DACH1: variants seen among roughly 807,000 people sequenced by gnomAD.
DACH1 encodes the protein dachshund family transcription factor 1, also known as dachshund homolog 1.
In DACH1, 12 loss-of-function variants were observed where a neutral mutation model predicts 54.2. The observed-to-expected ratio is 0.22, with a 90% CI of 0.14 to 0.36. DACH1 has a LOEUF of 0.36. Among genes scored for constraint, DACH1 ranks in the 10% least tolerant of loss-of-function variants. The pLI, the probability that DACH1 is intolerant of heterozygous loss-of-function variation, is 1.00. For synonymous variants in DACH1, 386 were observed against 366.2 expected (o/e 1.05, Z -0.62); for missense variants, 805 against 929.8 (o/e 0.87, Z 1.75).
chr13:71,632,358 T>C (rs1041397414), intron 2 of DACH1, among the ~76,000 whole-genome samples: 1 of 151,164 alleles, frequency 6.6e-6, no homozygotes, highest in Non-Finnish European at 1.5e-5. Flanking sequence ...GTATAAATGA[T>C]CTCTCCTAAT....
At chr13:71,809,988 GT>G (rs2138147838) in intron 1 of DACH1, among the ~76,000 whole-genome samples, 1 of 152,218 alleles carries the variant, frequency 6.6e-6, no homozygotes, top group East Asian at 1.9e-4. Flanking sequence ...AGACAATGCT[GT>G]GTGTGTGTAT....
At chr13:71,711,607 G>C (rs1411463369) in intron 1 of DACH1, among the ~76,000 whole-genome samples, 1 of 152,124 alleles carries the variant, frequency 6.6e-6, no homozygotes, top group African/African-American at 2.4e-5. Context: ...GTGGATGACA[G>C]ATTAAAATAA....
intron 10 of DACH1, among the ~76,000 whole-genome samples, chr13:71,447,575 C>T (rs568506419): frequency 9.2e-5 from 14 of 151,880 alleles, no homozygotes; most frequent in Non-Finnish European, 1.8e-4. Flanking sequence ...GGCTCACACC[C>T]GTAATCCCAG....
At chr13:71,758,181 A>G (rs1404012403) in intron 1 of DACH1, among the ~76,000 whole-genome samples, 2 of 152,132 alleles carry the variant, frequency 1.3e-5, no homozygotes, top group African/African-American at 4.8e-5. Flanking sequence ...GATGGGTAAC[A>G]TTTGTCCAGA....
rs767182370 is a variant in DACH1 at position 71,630,584 on chromosome 13, A to T, written c.1098T>A (p.Ser366=). ...CACTTGAATTCATGTCCCCGTTTTCAGAGTCTGCTCCATGTTGGTTATTAC... is the reference window on the plus strand; with the variant it reads ...CACTTGAATTCATGTCCCCGTTTTCTGAGTCTGCTCCATGTTGGTTATTAC... ...HASNNQHGAD[S]ENGDMNSSVG... The change falls in exon 3 of 11, where the codon TCT becomes TCA. Residue 366 remains serine (S), a synonymous_variant. Transcript: ENST00000613252. The T allele has an allele frequency of 6.3e-7, 1 of 1,592,582 alleles. No homozygotes were observed. Among genetic ancestry groups the T allele is most frequent in the East Asian group, 2.3e-5 (1 of 44,356 alleles).
chr13:71,564,794 T>G (rs558368226), intron 4 of DACH1, among the ~76,000 whole-genome samples: 2 of 152,320 alleles, frequency 1.3e-5, no homozygotes, highest in African/African-American at 2.4e-5. Context: ...TCTAAAGGAT[T>G]ATTTCATTTA....
intron 10 of DACH1, among the ~76,000 whole-genome samples, chr13:71,448,696 G>T (rs1338540598): frequency 6.6e-6 from 1 of 152,134 alleles, no homozygotes; most frequent in Non-Finnish European, 1.5e-5. Context: ...ATAATTATCA[G>T]TTCTTCTCAT....
intron 6 of DACH1, among the ~76,000 whole-genome samples, chr13:71,515,272 T>C (rs1190336118): frequency 6.6e-6 from 1 of 151,906 alleles, no homozygotes; most frequent in Non-Finnish European, 1.5e-5. Context: ...AGTAAAGTCA[T>C]AATGAAAATA....
intron 1 of DACH1, among the ~76,000 whole-genome samples, chr13:71,819,306 C>T (rs1888094500): frequency 1.3e-5 from 2 of 152,218 alleles, no homozygotes; most frequent in South Asian, 4.1e-4. Flanking sequence ...AGAATGAACA[C>T]ATCCAGAAGC....
rs148720168 is a variant in DACH1 at position 71,742,819 on chromosome 13, A to T, written c.849-60909T>A. 4.0e-3 allele frequency among the ~76,000 whole-genome samples: 613 copies of T among 152,214 alleles called. 2 individuals are homozygous for T. Among genetic ancestry groups the T allele is most frequent in the African/African-American group, 5.1e-3 (214 of 41,564 alleles). ...CAGAGGGATCAGTATAGACAACTTA[A>T]ATAAGCAAAATCTGCCTTTATTTTT... On this transcript the variant is annotated intron_variant, in intron 1 of 10. Coordinates refer to ENST00000613252, the MANE Select transcript of DACH1 (RefSeq NM_080759.6).
At chr13:71,863,876 TTTGA>T (rs1874516252) in intron 1 of DACH1, among the ~76,000 whole-genome samples, 2 of 150,310 alleles carry the variant, frequency 1.3e-5, no homozygotes, top group African/African-American at 2.5e-5. Flanking sequence ...AGAGTAGATG[TTTGA>T]TTATTAAAGA....
chr13:71,488,867 G>T, intron 7 of DACH1, 130 bp downstream of exon 7: 4 of 691,636 alleles, frequency 5.8e-6, no homozygotes, highest in Non-Finnish European at 6.9e-6. Flanking sequence ...AATCTAAGTT[G>T]CTTGAAGAGT....
rs1381242454 is a variant in DACH1, at chr13:71,702,396, G to C, written c.849-20486C>G. Among the ~76,000 whole-genome samples the C allele has an allele frequency of 2.6e-5, 4 of 152,156 alleles. 1 individual carries two copies. Among genetic ancestry groups the C allele is most frequent in the Admixed American group, 2.0e-4 (3 of 15,280 alleles). ...GAAGAAAGAAAATAATTCTGGGCTT[G>C]TATAAACATCTACCTTCAGTGAGCT... On this transcript the variant is annotated intron_variant, in intron 1 of 10. Coordinates refer to ENST00000613252, the MANE Select transcript of DACH1 (RefSeq NM_080759.6).
intron 10 of DACH1, among the ~76,000 whole-genome samples, chr13:71,466,364 A>T (rs946104600): frequency 6.6e-6 from 1 of 152,176 alleles, no homozygotes; most frequent in Non-Finnish European, 1.5e-5. Flanking sequence ...TGCTAACAAG[A>T]CATTTATATT....
chr13:71,817,813 C>T (rs1594258647), intron 1 of DACH1, among the ~76,000 whole-genome samples: 2 of 98,264 alleles, frequency 2.0e-5, no homozygotes, highest in African/African-American at 7.6e-5. Context: ...TTTCTTTCTT[C>T]CTTTTTTTTT....
chr13:71,630,970 G>A (rs1032445411), intron 2 of DACH1, among the ~76,000 whole-genome samples: 1 of 152,168 alleles, frequency 6.6e-6, no homozygotes, highest in Non-Finnish European at 1.5e-5. Flanking sequence ...TAGTGGAAAT[G>A]CAGCGACAGT....
At chr13:71,466,152 G>C (rs2062370505) in intron 10 of DACH1, among the ~76,000 whole-genome samples, 1 of 152,104 alleles carries the variant, frequency 6.6e-6, no homozygotes, top group Non-Finnish European at 1.5e-5. Flanking sequence ...CCGGTGCACT[G>C]TTTAACCACT....
At chr13:71,697,045 A>G (rs1331810308) in intron 1 of DACH1, among the ~76,000 whole-genome samples, 1 of 152,150 alleles carries the variant, frequency 6.6e-6, no homozygotes, top group Non-Finnish European at 1.5e-5. Flanking sequence ...GGTCCACTTA[A>G]TAGTTCCCTT....
rs564298638 is a variant in DACH1 at position 71,779,275 on chromosome 13, G to T, written c.848+86647C>A. ...TATACGTATATATGTGTATATATAC[G>T]TATATACGTATATATACACATATAT... On this transcript the variant is annotated intron_variant, in intron 1 of 10. Coordinates refer to ENST00000613252, the MANE Select transcript of DACH1 (RefSeq NM_080759.6). 4.6e-5 allele frequency among the ~76,000 whole-genome samples: 4 copies of T among 86,382 alleles called. No homozygotes were observed. In the East Asian group the frequency reaches 6.7e-4, roughly 14 times the overall value. 56.7% of individuals were successfully genotyped at this position (86,382 alleles called of 152,430 possible).
Sources: allele counts gnomAD v4.1 joint callset (sites outside exome capture counted in the v4.1 genomes callset), GRCh38; gene constraint gnomAD v4.1.1; transcripts MANE v1.5; gene names NCBI Gene and HGNC (gene_info 2026-07-23, HGNC 2026-07-21).